ADCY3: variants seen among roughly 807,000 people sequenced by gnomAD.
ADCY3 encodes the protein adenylate cyclase type 3.
Under a neutral mutation model 119.4 loss-of-function variants are expected in ADCY3, and 70 were observed. The observed-to-expected ratio is 0.59, with a 90% confidence interval of 0.48 to 0.72. The LOEUF (loss-of-function observed/expected upper bound fraction) is 0.72. Among genes scored for constraint, ADCY3 ranks in the 30% least tolerant of loss-of-function variants. The pLI, the probability that ADCY3 is intolerant of heterozygous loss-of-function variation, is 0.00. For missense variants in ADCY3, 1,238 were observed against 1,541.6 expected (o/e 0.80, Z 3.30); for synonymous variants, 672 against 621.4 (o/e 1.08, Z -1.21).
Position 24,918,410 on chromosome 2 carries a change from A to T in ADCY3, c.578T>A (p.Ile193Asn), listed in dbSNP as rs547026577. ...LPLSLSPIVI[I>N]SVVSCVVHTL... ...GTGCACCACACAGGAGACCACGGAG[A>T]TGATCACGATGGGGCTGAGGCTGAG... The change falls in exon 2 of 22, where the codon ATC becomes AAC. Residue 193 changes from isoleucine to asparagine, a missense_variant. Transcript: ENST00000679454. The surrounding 1 kb of genome is among the most constrained non-coding windows in gnomAD (Gnocchi z 5.4). The T allele has an allele frequency of 6.2e-7, 1 of 1,613,934 alleles. No individual in the cohort carries two copies. Among genetic ancestry groups the T allele is most frequent in the Non-Finnish European group, 8.5e-7 (1 of 1,179,998 alleles).
chr2:24,825,217 C>T (rs868713637), intron 16 of ADCY3, among the ~76,000 whole-genome samples: 1 of 152,042 alleles, frequency 6.6e-6, no homozygotes, highest in South Asian at 2.1e-4. Flanking sequence ...CTGTACTTCC[C>T]TGGAAAGCCA....
At chr2:24,861,416 A>C (rs570990724) in intron 3 of ADCY3, among the ~76,000 whole-genome samples, 5 of 152,278 alleles carry the variant, frequency 3.3e-5, no homozygotes, top group Non-Finnish European at 5.9e-5. Flanking sequence ...TTTTCTTAAA[A>C]AAGACATTAA....
rs982962099 is a variant in ADCY3 at position 24,829,561 on chromosome 2, C to T, written c.2172+1148G>A. On this transcript the variant is annotated intron_variant, in intron 13 of 21. Transcript: ENST00000679454. Reference sequence around the variant, plus strand: ...TCAGCCTCCTGAGTAGCTGGGACTACAGGCGCCTGCCACCACGCCCGGCTA... The same window carrying T: ...TCAGCCTCCTGAGTAGCTGGGACTATAGGCGCCTGCCACCACGCCCGGCTA... Among the ~76,000 whole-genome samples the T allele has an allele frequency of 4.6e-5, 7 of 151,376 alleles. 1 individual carries two copies. Among genetic ancestry groups the T allele is most frequent in the South Asian group, 4.2e-4 (2 of 4,778 alleles).
At chr2:24,837,142 G>C in intron 8 of ADCY3, 97 bp from the exon 9 acceptor site, 8 of 1,380,404 alleles carry the variant, frequency 5.8e-6, no homozygotes, top group Non-Finnish European at 7.8e-6. Flanking sequence ...GGTGGGATTA[G>C]AGAGCAATCT....
chr2:24,920,074 G>C lies in ADCY3; in HGVS notation c.-589C>G, dbSNP rs1285320316. On this transcript the variant is annotated 5_prime_UTR_variant, in exon 1 of 22. Coordinates refer to ENST00000679454, the MANE Select transcript of ADCY3 (RefSeq NM_004036.5). The surrounding 1 kb of genome is among the most constrained non-coding windows in gnomAD (Gnocchi z 4.5). Reference sequence around the variant, plus strand: ...ACCCGCGGCGGCGGCGGCTGCTAGGGGCGCGCGCGGGGCCCTCCCCGGCGG... The same window carrying C: ...ACCCGCGGCGGCGGCGGCTGCTAGGCGCGCGCGCGGGGCCCTCCCCGGCGG... Among the ~76,000 whole-genome samples the C allele has an allele frequency of 1.4e-5, 2 of 146,146 alleles. No individual in the cohort carries two copies. Among genetic ancestry groups the C allele is most frequent in the Non-Finnish European group, 3.0e-5 (2 of 65,710 alleles).
intron 3 of ADCY3, among the ~76,000 whole-genome samples, chr2:24,866,726 G>A (rs532146733): frequency 2.0e-5 from 3 of 152,104 alleles, no homozygotes; most frequent in East Asian, 1.9e-4. Flanking sequence ...GGAATACATC[G>A]TTAGGGACCT....
In ADCY3 at chr2:24,830,066, G is replaced by A. The variant is rs574649528; in HGVS notation, c.2172+643C>T. On this transcript the variant is annotated intron_variant, in intron 13 of 21. Coordinates refer to ENST00000679454, the MANE Select transcript of ADCY3 (RefSeq NM_004036.5). ...TACCTTTTTTTTTTTTTTTTGAGAC[G>A]GAGTCTTGCTGTCGCCTAGGCTGGA... Among the ~76,000 whole-genome samples the A allele has an allele frequency of 6.6e-4, 12 of 18,262 alleles. No individual in the cohort carries two copies. In the South Asian group the frequency reaches 0.01, roughly 16 times the overall value. 12.0% of individuals were successfully genotyped at this position (18,262 alleles called of 152,430 possible).
chr2:24,859,102 C>T (rs746717600), intron 3 of ADCY3, among the ~76,000 whole-genome samples: 24 of 152,196 alleles, frequency 1.6e-4, no homozygotes, highest in East Asian at 9.6e-4. Context: ...AAAAGAAAAA[C>T]TAAAAATATT....
chr2:24,858,431 CCTAA>C (rs1291335638), intron 3 of ADCY3, among the ~76,000 whole-genome samples: 10 of 152,258 alleles, frequency 6.6e-5, no homozygotes, highest in Admixed American at 3.3e-4. Context: ...CCAAGGACTA[CCTAA>C]CTGATTCTTC....
chr2:24,875,214 C>T (rs1203628829), intron 2 of ADCY3, among the ~76,000 whole-genome samples: 1 of 152,196 alleles, frequency 6.6e-6, no homozygotes, highest in African/African-American at 2.4e-5. Flanking sequence ...TCCTAAAGCA[C>T]CCCCAATTCT....
intron 9 of ADCY3, among the ~76,000 whole-genome samples, chr2:24,835,820 C>T (rs4665732): frequency 0.41 from 61,701 of 151,682 alleles, 14,017 homozygotes; most frequent in East Asian, 0.61. Context: ...CCTGTAATCA[C>T]AGCTACTTGG....
intron 20 of ADCY3, 111 bp from the exon 21 acceptor site, chr2:24,820,959 A>G (rs1249147495): frequency 2.1e-6 from 3 of 1,441,486 alleles, no homozygotes; most frequent in African/African-American, 1.4e-5. Context: ...GTAACACATC[A>G]TTGTCCTCAT....
Position 24,841,558 on chromosome 2 carries a change from C to T in ADCY3, c.1066G>A (p.Ala356Thr). ...GCCAGGCGGGGCCAGGGACTTACAG[C>T]TGCCAGCTTGTCAAAGCGGGCAAAG... Reference protein sequence around the residue: ...ELFARFDKLAAKYHQLRIKIL... With the variant: ...ELFARFDKLATKYHQLRIKIL... The change falls in exon 5 of 22, where the codon GCT (alanine) becomes ACT (threonine). Residue 356 changes from alanine to threonine, a missense_variant and splice_region_variant. Transcript: ENST00000679454. The surrounding 1 kb of genome is among the most constrained non-coding windows in gnomAD (Gnocchi z 5.8). 1 of 1,612,212 alleles carries T rather than the reference C, an allele frequency of 6.2e-7. No homozygotes were observed. Among genetic ancestry groups the T allele is most frequent in the Non-Finnish European group, 8.5e-7 (1 of 1,179,454 alleles).
At position 24,819,883 on chromosome 2, in the gene ADCY3, A is replaced by G. The variant is rs756539164; in HGVS notation, c.*49T>C. On this transcript the variant is annotated 3_prime_UTR_variant, in exon 22 of 22. Coordinates refer to ENST00000679454, the MANE Select transcript of ADCY3 (RefSeq NM_004036.5). ...AAGGTCGGGACTTCCTTCAGTTTCA[A>G]AAAATAAATTCTCCCTTCCGGTTTG... is the stretch of plus-strand genomic sequence containing the variant. 7 of 1,588,932 alleles carry G rather than the reference A, an allele frequency of 4.4e-6. No individual in the cohort carries two copies. In the Admixed American group the frequency reaches 5.3e-5, roughly 12 times the overall value.
chr2:24,919,149 G>A lies in ADCY3; in HGVS notation c.-162C>T. 1.5e-6 allele frequency: 1 copy of A among 682,386 alleles called. No homozygotes were observed. Among genetic ancestry groups the A allele is most frequent in the Non-Finnish European group, 2.4e-6 (1 of 411,856 alleles). 42.3% of individuals were successfully genotyped at this position (682,386 alleles called of 1,614,324 possible). ...CCACCTCCAGCAGGAACGCAGAGCG[G>A]GTTTCCAGAGCACAGGTAGCACTGA... is the stretch of plus-strand genomic sequence containing the variant. On this transcript the variant is annotated 5_prime_UTR_variant, in exon 2 of 22. Transcript: ENST00000679454. The surrounding 1 kb of genome is among the most constrained non-coding windows in gnomAD (Gnocchi z 5.5).
chr2:24,843,711 G>A (rs914680532), intron 3 of ADCY3, among the ~76,000 whole-genome samples: 2 of 152,140 alleles, frequency 1.3e-5, no homozygotes, highest in Admixed American at 1.3e-4. Context: ...CAAAGACAGG[G>A]TTTGGTTCTG....
chr2:24,820,310 G>A (rs1017308773), intron 21 of ADCY3, 196 bp from the exon 22 acceptor site: 7 of 1,303,648 alleles, frequency 5.4e-6, no homozygotes, highest in African/African-American at 4.6e-5. Context: ...TGGAGTGACT[G>A]GCTGGGGGCC....
In ADCY3 at chr2:24,898,780, C is replaced by T. The variant is rs146911671; in HGVS notation, c.675+19533G>A. Among the ~76,000 whole-genome samples the T allele has an allele frequency of 1.1e-3, 160 of 152,312 alleles. 1 individual carries two copies. Among genetic ancestry groups the T allele is most frequent in the African/African-American group, 3.6e-3 (150 of 41,568 alleles). On this transcript the variant is annotated intron_variant, in intron 2 of 21. Transcript: ENST00000679454. This position sits in a 1 kb window ranked among gnomAD's most constrained non-coding sequence, Gnocchi z 4.3. ...GGGGAAGCAAACAGAATTCCTAAGA[C>T]TGGGAGAACAAAAGCAAAATTTACC...
intron 19 of ADCY3, 37 bp downstream of exon 19, chr2:24,822,474 G>A: frequency 6.2e-7 from 1 of 1,605,726 alleles, no homozygotes. Context: ...TGCCTTGGGG[G>A]CAGAGCCTCA....
Sources: allele counts gnomAD v4.1 joint callset (sites outside exome capture counted in the v4.1 genomes callset), GRCh38; gene constraint gnomAD v4.1.1; non-coding constraint Gnocchi (gnomAD v3.1); transcripts MANE v1.5; gene names NCBI Gene and HGNC (gene_info 2026-07-23, HGNC 2026-07-21).